Variants in SIK2 observed in about 807,000 individuals in gnomAD.
SIK2 encodes the protein salt inducible kinase 2.
SIK2 carries 29 observed loss-of-function variants against 103.2 expected under a neutral mutation model. The ratio of observed to expected loss-of-function variants is 0.28; its 90% CI spans 0.21 to 0.38. The LOEUF is 0.38. Among genes scored for constraint, SIK2 ranks in the 10% least tolerant of loss-of-function variants. SIK2 has a pLI of 1.00. For missense variants in SIK2, 879 were observed against 1,171.0 expected (o/e 0.75, Z 3.64); for synonymous variants, 412 against 446.1 (o/e 0.92, Z 0.96).
Position 111,722,847 on chromosome 11 carries a change from C to T in SIK2, c.2147+91C>T, listed in dbSNP as rs2135977474. On this transcript the variant is annotated intron_variant, in intron 14 of 14. Transcript: ENST00000304987. The surrounding 1 kb of genome is among the most constrained non-coding windows in gnomAD (Gnocchi z 4.4). ...GTTGTCCTTTTCCTCTCACATTCGC[C>T]ACTACTAGGAAAATAGGTTTTCTGC... 1 of 1,194,606 alleles carries T rather than the reference C, an allele frequency of 8.4e-7. No homozygotes were observed. Among genetic ancestry groups the T allele is most frequent in the Non-Finnish European group, 1.2e-6 (1 of 821,962 alleles). 74.0% of individuals were successfully genotyped at this position (1,194,606 alleles called of 1,614,324 possible). A position where few individuals can be genotyped will look rare whatever the true frequency, so the allele number is the denominator to read the frequency against.
chr11:111,693,239 GGA>G (rs1440430568), intron 4 of SIK2, among the ~76,000 whole-genome samples: 4 of 151,948 alleles, frequency 2.6e-5, no homozygotes, highest in African/African-American at 4.8e-5. Context: ...GGCTGAGGCA[GGA>G]GAGAATCGCT....
chr11:111,665,720 C>T (rs1591607127), intron 3 of SIK2, among the ~76,000 whole-genome samples: 1 of 151,552 alleles, frequency 6.6e-6, no homozygotes, highest in South Asian at 2.1e-4. Flanking sequence ...CAGCTACTCA[C>T]GAGGCTGAGG....
intron 3 of SIK2, among the ~76,000 whole-genome samples, chr11:111,679,116 A>G: frequency 6.6e-6 from 1 of 152,230 alleles, no homozygotes; most frequent in East Asian, 1.9e-4. Flanking sequence ...AAAGATGTGG[A>G]AAATGTTTGA....
chr11:111,647,529 C>G (rs1036319307), intron 3 of SIK2, among the ~76,000 whole-genome samples: 6 of 147,574 alleles, frequency 4.1e-5, no homozygotes, highest in Non-Finnish European at 1.5e-5. Flanking sequence ...TCACTGCACT[C>G]TAGCCTGGGT....
chr11:111,620,350 C>T lies in SIK2; in HGVS notation c.264C>T (p.Thr88=). The T allele has an allele frequency of 6.3e-7, 1 of 1,587,498 alleles. No homozygotes were observed. ...TTATTTATCAATAGGTAATGGAGAC[C>T]AAAAGTATGTTGTACCTTGTGACAG... is the stretch of plus-strand genomic sequence containing the variant. ...HIIKLYQVME[T]KSMLYLVTEY... Residue 88 remains threonine (T), a synonymous_variant, in exon 3 of 15, where the codon ACC becomes ACT. Transcript: ENST00000304987.
intron 1 of SIK2, among the ~76,000 whole-genome samples, chr11:111,603,480 A>T (rs971045676): frequency 6.6e-6 from 1 of 152,104 alleles, no homozygotes; most frequent in Non-Finnish European, 1.5e-5. Context: ...AAACCATATC[A>T]GATTCTGCCT....
intron 1 of SIK2, among the ~76,000 whole-genome samples, chr11:111,605,184 A>C (rs1941633813): frequency 6.6e-6 from 1 of 151,926 alleles, no homozygotes; most frequent in African/African-American, 2.4e-5. Flanking sequence ...GCTGGTTTCG[A>C]ACTCCTGACC....
intron 3 of SIK2, among the ~76,000 whole-genome samples, chr11:111,641,310 C>T (rs1942180070): frequency 6.6e-6 from 1 of 152,284 alleles, no homozygotes; most frequent in East Asian, 1.9e-4. Context: ...ATTCCAGGTC[C>T]CTACTTACTG....
chr11:111,609,831 A>G (rs907163485), intron 1 of SIK2, among the ~76,000 whole-genome samples: 1 of 152,228 alleles, frequency 6.6e-6, no homozygotes, highest in African/African-American at 2.4e-5. Context: ...AGTAGGTTGT[A>G]ATTCCACCAA....
At chr11:111,679,627 G>A (rs1010425774) in intron 3 of SIK2, among the ~76,000 whole-genome samples, 6 of 152,074 alleles carry the variant, frequency 3.9e-5, no homozygotes, top group Admixed American at 1.3e-4. Flanking sequence ...GGTAACCCAC[G>A]TTATCCTAAT....
chr11:111,666,056 T>C (rs1404500052), intron 3 of SIK2, among the ~76,000 whole-genome samples: 1 of 152,200 alleles, frequency 6.6e-6, no homozygotes, highest in East Asian at 1.9e-4. Context: ...GAAGCTAGTA[T>C]AAATGATGCT....
chr11:111,717,921 G>A (rs1484043903), intron 9 of SIK2, among the ~76,000 whole-genome samples: 1 of 152,110 alleles, frequency 6.6e-6, no homozygotes, highest in Non-Finnish European at 1.5e-5. Flanking sequence ...CCTGTTAGGG[G>A]GGCAATGGGA....
intron 3 of SIK2, among the ~76,000 whole-genome samples, chr11:111,655,838 G>T (rs1942384745): frequency 6.6e-6 from 1 of 152,026 alleles, no homozygotes; most frequent in Non-Finnish European, 1.5e-5. Context: ...CTAGTACATG[G>T]CAGAATGCAT....
At chr11:111,616,182 C>G (rs887253271) in intron 1 of SIK2, 61 bp from the exon 2 acceptor site, 2 of 1,142,404 alleles carry the variant, frequency 1.8e-6, no homozygotes, top group Admixed American at 1.9e-5. Flanking sequence ...TGACAGGATT[C>G]TTAACTAGAA....
intron 3 of SIK2, among the ~76,000 whole-genome samples, chr11:111,636,478 C>T (rs1311318776): frequency 6.6e-6 from 1 of 152,128 alleles, no homozygotes; most frequent in Non-Finnish European, 1.5e-5. Flanking sequence ...TTAACAAAGT[C>T]TCTGCCTTCT....
chr11:111,700,286 T>G (rs1462891115), intron 4 of SIK2, among the ~76,000 whole-genome samples: 4 of 152,194 alleles, frequency 2.6e-5, no homozygotes, highest in African/African-American at 9.6e-5. Context: ...GTGATGGTGA[T>G]AGGTGGCTTG....
intron 8 of SIK2, among the ~76,000 whole-genome samples, chr11:111,706,959 C>CAAA (rs763828886): frequency 0.01 from 527 of 52,078 alleles, 3 homozygotes; most frequent in Middle Eastern, 0.054. Flanking sequence ...GACTCCGTCT[C>CAAA]AAAAAAAAAA....
intron 8 of SIK2, 62 bp from the exon 9 acceptor site, chr11:111,712,149 T>G (rs1034543943): frequency 9.6e-6 from 14 of 1,461,862 alleles, no homozygotes; most frequent in Middle Eastern, 3.7e-4. Context: ...TTCTTAGAAC[T>G]TTGTGTATTT....
chr11:111,604,371 A>G (rs1591583414), intron 1 of SIK2, among the ~76,000 whole-genome samples: 1 of 152,386 alleles, frequency 6.6e-6, no homozygotes, highest in East Asian at 1.9e-4. Flanking sequence ...ACTGTAGTAT[A>G]TCGTGTGGTT....
Sources: gnomAD v4.1 joint callset for allele counts (sites outside exome capture counted in the v4.1 genomes callset) on GRCh38, gnomAD v4.1.1 for gene constraint, Gnocchi (gnomAD v3.1) non-coding constraint, MANE v1.5 for transcripts, NCBI Gene and HGNC (gene_info 2026-07-23, HGNC 2026-07-21) for gene names.